GRIP1: variants seen among roughly 807,000 people sequenced by gnomAD.
The protein encoded by GRIP1 is glutamate receptor interacting protein 1, also known as glutamate receptor-interacting protein 1.
Under a neutral mutation model 129.9 loss-of-function variants are expected in GRIP1, and 45 were observed. The ratio of observed to expected loss-of-function variants is 0.35; its 90% CI spans 0.27 to 0.44. The LOEUF (loss-of-function observed/expected upper bound fraction) is 0.44, where lower values mean the gene tolerates loss of function less well. Ranked by LOEUF, GRIP1 falls within the 20% of genes least tolerant of loss-of-function variation. GRIP1 has a pLI of 1.00. For synonymous variants in GRIP1, 530 were observed against 520.8 expected, an observed-to-expected ratio of 1.02 and a Z score of -0.24; for missense variants, 1,196 against 1,396.8, an observed-to-expected ratio of 0.86 and a Z score of 2.29.
chr12:66,574,918 C>T (rs2063092322), intron 2 of GRIP1, among the ~76,000 whole-genome samples: 1 of 151,952 alleles, frequency 6.6e-6, no homozygotes, highest in Non-Finnish European at 1.5e-5. Flanking sequence ...AGGCACCCAG[C>T]CACCATGCCC....
chr12:66,975,217 A>C (rs911418167), intron 1 of GRIP1, among the ~76,000 whole-genome samples: 7 of 152,214 alleles, frequency 4.6e-5, no homozygotes, highest in African/African-American at 1.7e-4. Context: ...CCTCTTGCCA[A>C]GCCTGGCACC....
chr12:66,677,450 C>T (rs946858103), intron 1 of GRIP1, among the ~76,000 whole-genome samples: 3 of 152,040 alleles, frequency 2.0e-5, no homozygotes, highest in Admixed American at 1.3e-4. Context: ...AAGAACTTTT[C>T]AGAATAAGGG....
At chr12:67,028,604 T>C (rs1321953811) in intron 1 of GRIP1, among the ~76,000 whole-genome samples, 1 of 152,198 alleles carries the variant, frequency 6.6e-6, no homozygotes, top group African/African-American at 2.4e-5. Context: ...TTTTATTCAA[T>C]AGCCTCTGCC....
At chr12:66,502,264 T>G (rs1314927651) in intron 7 of GRIP1, among the ~76,000 whole-genome samples, 7 of 152,116 alleles carry the variant, frequency 4.6e-5, no homozygotes, top group Non-Finnish European at 7.3e-5. Flanking sequence ...ACAATGGATA[T>G]TACCTAAAAT....
At chr12:66,593,844 G>A (rs538637371) in intron 2 of GRIP1, among the ~76,000 whole-genome samples, 6 of 151,964 alleles carry the variant, frequency 3.9e-5, no homozygotes, top group Non-Finnish European at 7.4e-5. Context: ...TGAGGTGGGC[G>A]GATCACGAGG....
intron 1 of GRIP1, among the ~76,000 whole-genome samples, chr12:66,670,212 C>T (rs1221053624): frequency 1.3e-5 from 2 of 152,186 alleles, no homozygotes; most frequent in Non-Finnish European, 2.9e-5. Context: ...AAGCAGAAAA[C>T]TTTATAACCC....
chr12:66,379,153 G>A, intron 20 of GRIP1, 127 bp downstream of exon 20: 4 of 1,064,708 alleles, frequency 3.8e-6, no homozygotes, highest in Admixed American at 1.7e-5. Context: ...TGGCCAGCAT[G>A]GATGATTATG....
chr12:66,474,594 C>G (rs1227995952), intron 7 of GRIP1, among the ~76,000 whole-genome samples: 1 of 152,142 alleles, frequency 6.6e-6, no homozygotes, highest in Non-Finnish European at 1.5e-5. Context: ...TCGGGTTACC[C>G]ACAAAGGGAA....
intron 2 of GRIP1, among the ~76,000 whole-genome samples, chr12:66,594,251 T>G (rs1411869894): frequency 6.6e-6 from 1 of 151,846 alleles, no homozygotes; most frequent in African/African-American, 2.4e-5. Flanking sequence ...TGGTGCACTT[T>G]TCTCTAGAGG....
intron 7 of GRIP1, among the ~76,000 whole-genome samples, chr12:66,494,339 C>T (rs1490712588): frequency 6.6e-6 from 1 of 152,102 alleles, no homozygotes; most frequent in Non-Finnish European, 1.5e-5. Context: ...ACTTTGAATT[C>T]AAAAATCTTA....
intron 20 of GRIP1, among the ~76,000 whole-genome samples, chr12:66,377,487 C>CCAGCCTCATCCAAGATGACTGCA (rs2055855648): frequency 6.6e-6 from 1 of 150,520 alleles, no homozygotes; most frequent in Admixed American, 6.7e-5. Flanking sequence ...GCCACCACGC[C>CCAGCCTCATCCAAGATGACTGCA]TGGCTAATTT....
intron 1 of GRIP1, among the ~76,000 whole-genome samples, chr12:66,882,726 T>A (rs2040500848): frequency 6.6e-6 from 1 of 151,922 alleles, no homozygotes; most frequent in Non-Finnish European, 1.5e-5. Flanking sequence ...TTAATCACAA[T>A]AATAACATTC....
chr12:67,037,153 A>G (rs961097754), intron 1 of GRIP1, among the ~76,000 whole-genome samples: 2 of 151,730 alleles, frequency 1.3e-5, no homozygotes, highest in Non-Finnish European at 2.9e-5. Context: ...ACGGTGAAAC[A>G]CCTTCTCTAC....
chr12:66,348,942 C>T lies in GRIP1; in HGVS notation c.*77G>A. ...CCACGTTGATTGATTATCTGTGCTT[C>T]AAAGGTCACAGAAATCTTAAAGGAT... On this transcript the variant is annotated 3_prime_UTR_variant, in exon 25 of 25. Transcript: ENST00000359742. The T allele has an allele frequency of 1.9e-6, 2 of 1,027,892 alleles. No individual in the cohort carries two copies. The highest frequency in any genetic ancestry group is 1.3e-5 in the South Asian group (1 of 79,220). The allele number at this position is 1,027,892 out of a possible 1,614,324, so 63.7% of individuals were successfully genotyped here.
At chr12:66,838,426 G>C (rs2039655993) in intron 1 of GRIP1, among the ~76,000 whole-genome samples, 1 of 152,276 alleles carries the variant, frequency 6.6e-6, no homozygotes, top group East Asian at 1.9e-4. Context: ...GATGAGGTTG[G>C]AACATCAAGA....
chr12:66,806,462 G>A (rs942789390), upstream of GRIP1, among the ~76,000 whole-genome samples: 1 of 152,002 alleles, frequency 6.6e-6, no homozygotes, highest in African/African-American at 2.4e-5. Context: ...GATAATGCAG[G>A]CAATAAATTT....
chr12:66,616,254 C>T (rs1232672857), intron 1 of GRIP1, among the ~76,000 whole-genome samples: 1 of 151,696 alleles, frequency 6.6e-6, no homozygotes, highest in Non-Finnish European at 1.5e-5. Context: ...TCTTGGTATT[C>T]TTTTTTTTAA....
At chr12:66,723,317 T>C (rs1220430026) in intron 1 of GRIP1, among the ~76,000 whole-genome samples, 29 of 95,836 alleles carry the variant, frequency 3.0e-4, no homozygotes, top group African/African-American at 7.3e-4. Flanking sequence ...TTTTTTTTTT[T>C]TTTTTTTTTT....
At chr12:67,067,618 G>A (rs1217040337) in intron 1 of GRIP1, among the ~76,000 whole-genome samples, 2 of 152,200 alleles carry the variant, frequency 1.3e-5, no homozygotes, top group East Asian at 3.9e-4. Flanking sequence ...CTAATAAGGA[G>A]GTGCTTAAAA....
Sources: allele counts gnomAD v4.1 joint callset (sites outside exome capture counted in the v4.1 genomes callset), GRCh38; gene constraint gnomAD v4.1.1; transcripts MANE v1.5; gene names NCBI Gene and HGNC (gene_info 2026-07-23, HGNC 2026-07-21).